CLEC20A: variants seen among roughly 807,000 people sequenced by gnomAD.
CLEC20A encodes C-type lectin domain containing 20A.
intron 4 of CLEC20A, among the ~76,000 whole-genome samples, chr1:178,489,338 G>A (rs557440022): frequency 1.3e-5 from 2 of 152,162 alleles, no homozygotes; most frequent in South Asian, 2.1e-4. Context: ...CAGCCTGGGC[G>A]ACAGAGCAAG....
intron 6 of CLEC20A, chr1:178,482,901 T>C (rs1425942718): frequency 1.6e-5 from 5 of 309,058 alleles, no homozygotes; most frequent in Non-Finnish European, 2.3e-5. Context: ...AGTTATCTCA[T>C]TGGGTGCTCA....
chr1:178,483,962 T>C (rs1382408217), intron 5 of CLEC20A: 2 of 152,242 alleles, frequency 1.3e-5, no homozygotes, highest in Non-Finnish European at 2.9e-5. Flanking sequence ...ATTAACACTT[T>C]GCTGTAGAAG....
At chr1:178,494,077 C>T (rs1558029937) in intron 2 of CLEC20A, among the ~76,000 whole-genome samples, 1 of 152,150 alleles carries the variant, frequency 6.6e-6, no homozygotes. Context: ...TCTGTCTCTC[C>T]CTGCCCCGTC....
At chr1:178,482,549 T>G in intron 6 of CLEC20A, 152 bp from the exon 7 acceptor site, 1 of 395,556 alleles carries the variant, frequency 2.5e-6, no homozygotes, top group Admixed American at 4.4e-5. Context: ...AGAAGAATGC[T>G]CAGCCACAAT....
chr1:178,483,398 C>T, intron 5 of CLEC20A, 116 bp from the exon 6 acceptor site: 1 of 395,440 alleles, frequency 2.5e-6, no homozygotes, highest in Non-Finnish European at 4.5e-6. Context: ...GCTAGGCACA[C>T]AGTTGCTGCA....
At chr1:178,496,788 G>T (rs1223304714) in intron 1 of CLEC20A, 112 bp downstream of exon 1, 2 of 398,444 alleles carry the variant, frequency 5.0e-6, no homozygotes, top group African/African-American at 2.1e-5. Flanking sequence ...TTTCCACCTT[G>T]CCTCCCTCCA....
At chr1:178,490,529 G>C (rs988558075) in intron 3 of CLEC20A, 92 bp from the exon 4 acceptor site, 1 of 397,712 alleles carries the variant, frequency 2.5e-6, no homozygotes, top group Non-Finnish European at 4.4e-6. Context: ...ATTTTGGTCT[G>C]ACATGGGCCC....
intron 5 of CLEC20A, among the ~76,000 whole-genome samples, chr1:178,485,224 A>G (rs1363870120): frequency 6.6e-6 from 1 of 152,138 alleles, no homozygotes; most frequent in Non-Finnish European, 1.5e-5. Flanking sequence ...GTCCTACATC[A>G]TCCTAACCAC....
At chr1:178,486,235 C>T (rs965453416) in intron 5 of CLEC20A, among the ~76,000 whole-genome samples, 1 of 152,192 alleles carries the variant, frequency 6.6e-6, no homozygotes, top group African/African-American at 2.4e-5. Context: ...CTGTAGGATG[C>T]GCTGGAATGC....
exon 2 of CLEC20A, chr1:178,494,779 C>G: frequency 2.5e-6 from 1 of 399,388 alleles, no homozygotes; most frequent in East Asian, 3.6e-5. Flanking sequence ...TCACCAGAAC[C>G]AAGTCCCTCT....
At chr1:178,485,457 G>A (rs958707708) in intron 5 of CLEC20A, among the ~76,000 whole-genome samples, 11 of 152,238 alleles carry the variant, frequency 7.2e-5, no homozygotes, top group Non-Finnish European at 1.6e-4. Flanking sequence ...CTTTACCCAT[G>A]CTATTCCTTC....
intron 6 of CLEC20A, 185 bp from the exon 7 acceptor site, chr1:178,482,582 GA>G: frequency 7.7e-6 from 3 of 391,166 alleles, no homozygotes; most frequent in East Asian, 3.6e-5. Context: ...ATTAGTGGCT[GA>G]AAAAAAGAGT....
intron 7 of CLEC20A, chr1:178,481,142 T>C (rs898983620): frequency 5.9e-5 from 9 of 152,208 alleles, no homozygotes; most frequent in Non-Finnish European, 4.4e-5. Flanking sequence ...TCCAAAATCA[T>C]GAGCATTTTG....
chr1:178,487,358 C>T (rs1649174382), intron 5 of CLEC20A, among the ~76,000 whole-genome samples: 1 of 152,156 alleles, frequency 6.6e-6, no homozygotes, highest in South Asian at 2.1e-4. Flanking sequence ...TGGGCTCTGT[C>T]GCCTTCAGGG....
upstream of CLEC20A, among the ~76,000 whole-genome samples, chr1:178,498,807 T>C (rs1358348963): frequency 2.0e-5 from 3 of 152,064 alleles, no homozygotes; most frequent in Non-Finnish European, 4.4e-5. Flanking sequence ...CCCCTACCCC[T>C]TCTCACCCTT....
intron 5 of CLEC20A, among the ~76,000 whole-genome samples, chr1:178,485,553 A>C (rs561138112): frequency 6.6e-6 from 1 of 152,348 alleles, no homozygotes; most frequent in Admixed American, 6.5e-5. Context: ...TCCAGGCAGA[A>C]GGAAATGAAT....
intron 4 of CLEC20A, 126 bp downstream of exon 4, chr1:178,489,945 AC>A (rs1182077061): frequency 2.5e-6 from 1 of 397,410 alleles, no homozygotes; most frequent in African/African-American, 2.1e-5. Flanking sequence ...GAACTCAGTT[AC>A]CCCTCAGAGT....
At chr1:178,498,649 C>T (rs1649455433), upstream of CLEC20A, among the ~76,000 whole-genome samples, 1 of 152,184 alleles carries the variant, frequency 6.6e-6, no homozygotes, top group Admixed American at 6.5e-5. Flanking sequence ...GGCCAAGGCA[C>T]TTTCTCTGGG....
chr1:178,491,370 T>C (rs1160466580), intron 3 of CLEC20A, among the ~76,000 whole-genome samples: 2 of 152,130 alleles, frequency 1.3e-5, no homozygotes, highest in Admixed American at 1.3e-4. Context: ...CCTCCCAAAC[T>C]CGGACATGAG....
Sources: allele counts gnomAD v4.1 joint callset (sites outside exome capture counted in the v4.1 genomes callset), GRCh38; gene constraint gnomAD v4.1.1; transcripts MANE v1.5; gene names NCBI Gene and HGNC (gene_info 2026-07-23, HGNC 2026-07-21).